VPS13A: variants seen among roughly 807,000 people sequenced by gnomAD.
VPS13A encodes the protein vacuolar protein sorting 13 homolog A.
VPS13A carries 264 observed loss-of-function variants against 390.9 expected under a neutral mutation model. The ratio of observed to expected loss-of-function variants is 0.68; its 90% CI spans 0.61 to 0.75. The LOEUF is 0.75. VPS13A is among the 30% of genes least tolerant of loss of function. VPS13A has a pLI of 0.00. For missense variants in VPS13A, 3,409 were observed against 3,733.9 expected (o/e 0.91, Z 2.27); for synonymous variants, 1,231 against 1,227.1 (o/e 1.00, Z -0.07).
intron 67 of VPS13A, among the ~76,000 whole-genome samples, chr9:77,371,386 G>T: frequency 6.6e-6 from 1 of 152,086 alleles, no homozygotes; most frequent in East Asian, 1.9e-4. Context: ...TTTTTGCGGT[G>T]TCATCCCATG....
In VPS13A at chr9:77,252,220, A is replaced by C. The variant is rs755450711; in HGVS notation, c.2171-15A>C. ...GTTATAGTTACGTTAAATATGAACT[A>C]TTTTCTGTACTTAGGTGATAATTGG... On this transcript the variant is annotated splice_polypyrimidine_tract_variant and intron_variant, in intron 21 of 71. Transcript: ENST00000360280. 1 of 1,579,408 alleles carries C rather than the reference A, an allele frequency of 6.3e-7. No homozygotes were observed. Among genetic ancestry groups the C allele is most frequent in the Non-Finnish European group, 8.7e-7 (1 of 1,148,654 alleles).
At position 77,210,531 on chromosome 9, in the gene VPS13A, G is replaced by A. The variant is rs1204671089; in HGVS notation, c.496-85G>A. ...AGTGCTGGGATTACAGATGGGAGCC[G>A]CTGCACATTGACAGTTTTTTCTATA... On this transcript the variant is annotated intron_variant, in intron 6 of 71. Transcript: ENST00000360280. The A allele has an allele frequency of 1.4e-5, 19 of 1,326,454 alleles. No individual in the cohort carries two copies. The East Asian group carries it at 1.7e-4, about 12-fold the overall frequency. 82.2% of individuals were successfully genotyped at this position (1,326,454 alleles called of 1,614,324 possible).
intron 68 of VPS13A, among the ~76,000 whole-genome samples, chr9:77,387,975 T>C (rs994621953): frequency 1.3e-5 from 2 of 152,190 alleles, no homozygotes; most frequent in East Asian, 1.9e-4. Context: ...TGCATTCAGC[T>C]TTTTTGTGGT....
chr9:77,357,255 G>C (rs975894478), intron 55 of VPS13A, among the ~76,000 whole-genome samples: 5 of 142,634 alleles, frequency 3.5e-5, no homozygotes, highest in African/African-American at 1.3e-4. Context: ...GGAGGTGGAG[G>C]TTGCAGTGAA....
intron 23 of VPS13A, among the ~76,000 whole-genome samples, chr9:77,266,025 A>G (rs1826018995): frequency 6.6e-6 from 1 of 152,104 alleles, no homozygotes; most frequent in Admixed American, 6.5e-5. Flanking sequence ...CAAAGAACTT[A>G]CTTCTGCCTT....
At chr9:77,378,064 A>C (rs1833203766) in intron 67 of VPS13A, among the ~76,000 whole-genome samples, 1 of 152,130 alleles carries the variant, frequency 6.6e-6, no homozygotes, top group South Asian at 2.1e-4. Context: ...TTGGTTTGAT[A>C]GTATTTTGTT....
chr9:77,342,877 C>T (rs1264449961), intron 50 of VPS13A, among the ~76,000 whole-genome samples: 1 of 152,088 alleles, frequency 6.6e-6, no homozygotes, highest in Non-Finnish European at 1.5e-5. Flanking sequence ...TGGATCAGCA[C>T]AAACATGGGG....
At chr9:77,235,523 C>T (rs1336690541) in intron 17 of VPS13A, among the ~76,000 whole-genome samples, 1 of 152,124 alleles carries the variant, frequency 6.6e-6, no homozygotes, top group East Asian at 1.9e-4. Flanking sequence ...CTGTGTGAGT[C>T]TCTGAGTTTA....
Position 77,220,080 on chromosome 9 carries a change from A to G in VPS13A, c.881A>G (p.Gln294Arg). ...ATAGCAATTGAATTTAATAAACCAC[A>G]GGTGATTTTCTTTAATATAATTTTC... ...HNIAIEFNKP[Q>R]YFSIMELLES... The change falls in exon 11 of 72, where the codon CAG becomes CGG. Residue 294 changes from glutamine to arginine, a missense_variant and splice_region_variant. Gln to Arg is a conservative substitution (Grantham distance 43). Coordinates refer to ENST00000360280, the MANE Select transcript of VPS13A (RefSeq NM_033305.3). 6.2e-7 allele frequency: 1 copy of G among 1,604,742 alleles called. No individual in the cohort carries two copies. The highest frequency in any genetic ancestry group is 8.5e-7 in the Non-Finnish European group (1 of 1,173,268).
At position 77,303,063 on chromosome 9, in the gene VPS13A, G is replaced by T. The variant is rs1389167107; in HGVS notation, c.3960+1G>T. 1 of 1,613,842 alleles carries T rather than the reference G, an allele frequency of 6.2e-7. No homozygotes were observed. The highest frequency in any genetic ancestry group is 1.3e-5 in the African/African-American group (1 of 75,006). On this transcript the variant is annotated splice_donor_variant, in intron 34 of 71. Transcript: ENST00000360280. LOFTEE classifies it high-confidence loss of function. ...AAATGCTCAGCTGAAACCAATGGAGGTAACTTTTTTTGGATACTTATCAAT... is the reference window on the plus strand; with the variant it reads ...AAATGCTCAGCTGAAACCAATGGAGTTAACTTTTTTTGGATACTTATCAAT...
At chr9:77,340,695 C>T in intron 50 of VPS13A, 145 bp downstream of exon 50, 3 of 993,958 alleles carry the variant, frequency 3.0e-6, no homozygotes, top group Non-Finnish European at 4.5e-6. Flanking sequence ...AATATTTGTG[C>T]CCTGCTCTAG....
chr9:77,243,101 T>A (rs1430853144), intron 19 of VPS13A, among the ~76,000 whole-genome samples: 1 of 152,100 alleles, frequency 6.6e-6, no homozygotes, highest in Non-Finnish European at 1.5e-5. Flanking sequence ...GTTACTTAGG[T>A]TCTTTCCTTC....
At chr9:77,227,137 T>C (rs954984975) in intron 15 of VPS13A, among the ~76,000 whole-genome samples, 1 of 152,218 alleles carries the variant, frequency 6.6e-6, no homozygotes, top group Non-Finnish European at 1.5e-5. Context: ...TATTGTCTAA[T>C]ATAGTTAGCC....
rs776797490 is a variant in VPS13A at position 77,250,101 on chromosome 9, C to A, written c.2042C>A (p.Thr681Lys). The change falls in exon 21 of 72, where the codon ACG becomes AAG. Residue 681 changes from threonine to lysine, a missense_variant. Coordinates refer to ENST00000360280, the MANE Select transcript of VPS13A (RefSeq NM_033305.3). ...ACTATTAAAATTAACTTGAAGGTGA[C>A]GAGTAAAAGTCGTTCTGAATTACCA... The part of the protein sequence containing the change: ...LLLDLGHLKV[T>K]SKSRSELPDV... 6.2e-7 allele frequency: 1 copy of A among 1,613,472 alleles called. No homozygotes were observed. The highest frequency in any genetic ancestry group is 1.3e-5 in the African/African-American group (1 of 74,986).
chr9:77,369,444 T>A, intron 63 of VPS13A, 32 bp downstream of exon 63: 2 of 1,322,176 alleles, frequency 1.5e-6, no homozygotes, highest in Non-Finnish European at 2.2e-6. Flanking sequence ...TTGTGCAATA[T>A]GTCACTAATA....
chr9:77,252,495 A>G (rs1433462282), intron 22 of VPS13A, 143 bp downstream of exon 22: 3 of 802,362 alleles, frequency 3.7e-6, no homozygotes, highest in Admixed American at 1.8e-5. Flanking sequence ...TAAAATGTAT[A>G]TAAAATTTAC....
At chr9:77,383,468 C>T (rs1833543319) in intron 68 of VPS13A, among the ~76,000 whole-genome samples, 2 of 151,944 alleles carry the variant, frequency 1.3e-5, no homozygotes, top group South Asian at 4.1e-4. Context: ...CCAATACCTG[C>T]CTTCCCTTGT....
intron 19 of VPS13A, among the ~76,000 whole-genome samples, chr9:77,242,451 T>C (rs1335946486): frequency 1.3e-5 from 2 of 152,168 alleles, no homozygotes; most frequent in African/African-American, 4.8e-5. Flanking sequence ...TGGCTTTTGC[T>C]CATTTTTCTC....
At position 77,212,975 on chromosome 9, in the gene VPS13A, G is replaced by A. The variant is rs1481373783; in HGVS notation, c.562G>A (p.Asp188Asn). Residue 188 changes from aspartate to asparagine, a missense_variant, in exon 8 of 72, where the codon GAT becomes AAT. Physicochemically the swap from Asp to Asn is conservative, Grantham distance 23. This residue lies in a region of VPS13A where 2,717 missense variants were observed against 2,917.4 expected (regional missense o/e 0.93). Coordinates refer to ENST00000360280, the MANE Select transcript of VPS13A (RefSeq NM_033305.3). ...SLQNLSMQTT[D>N]QYWVPCLHDE... Reference sequence around the variant, plus strand: ...TGTTTTTTTTCCTTTTCAGACAACTGATCAATACTGGGTTCCATGTTTACA... The same window carrying A: ...TGTTTTTTTTCCTTTTCAGACAACTAATCAATACTGGGTTCCATGTTTACA... 1.9e-6 allele frequency: 3 copies of A among 1,613,828 alleles called. No homozygotes were observed. The highest frequency in any genetic ancestry group is 1.7e-5 in the Admixed American group (1 of 60,002).
Sources: gnomAD v4.1 joint callset for allele counts (sites outside exome capture counted in the v4.1 genomes callset) on GRCh38, gnomAD v4.1.1 for gene constraint, gnomAD v4.1.1 regional missense constraint, MANE v1.5 for transcripts, NCBI Gene and HGNC (gene_info 2026-07-23, HGNC 2026-07-21) for gene names.